ZNF395: variants seen among roughly 807,000 people sequenced by gnomAD.
ZNF395 encodes the protein zinc finger protein 395.
A neutral mutation model predicts 57.7 loss-of-function variants in ZNF395; 20 were observed. The ratio of observed to expected loss-of-function variants is 0.35; its 90% CI spans 0.24 to 0.50. The LOEUF is 0.50. Among genes scored for constraint, ZNF395 ranks in the 20% least tolerant of loss-of-function variants. The pLI is 0.97. For synonymous variants in ZNF395, 295 were observed against 275.9 expected (o/e 1.07, Z -0.69); for missense variants, 606 against 671.2 (o/e 0.90, Z 1.07).
chr8:28,363,192 C>T (rs1017934314), intron 1 of ZNF395, among the ~76,000 whole-genome samples: 9 of 150,430 alleles, frequency 6.0e-5, no homozygotes, highest in South Asian at 2.1e-4. Flanking sequence ...AGTGCAGTGG[C>T]GTGATCTCAG....
Position 28,348,831 on chromosome 8 carries a change from C to T in ZNF395, c.1431-1G>A. On this transcript the variant is annotated splice_acceptor_variant, in intron 9 of 9. Transcript: ENST00000344423. LOFTEE classifies it high-confidence loss of function. ...CTTCTTAGCCTCCCCTCGGGCTTTC[C>T]TGCAGAAAGAGAGGAATGCAAATCG... 6.2e-7 allele frequency: 1 copy of T among 1,613,968 alleles called. No individual in the cohort carries two copies. The highest frequency in any genetic ancestry group is 8.5e-7 in the Non-Finnish European group (1 of 1,179,964).
chr8:28,358,799 T>C lies in ZNF395; in HGVS notation c.473+793A>G, dbSNP rs78101537. ...CATGGAAAGTATATAAAACTAAAAT[T>C]TGAGGGTCCATGAATGAGGTTTTAT... On this transcript the variant is annotated intron_variant, in intron 3 of 9. Coordinates refer to ENST00000344423, the MANE Select transcript of ZNF395 (RefSeq NM_018660.3). 3.1e-3 allele frequency among the ~76,000 whole-genome samples: 474 copies of C among 152,324 alleles called. 2 individuals carry two copies. The highest frequency in any genetic ancestry group is 0.011 in the African/African-American group (440 of 41,572).
intron 8 of ZNF395, among the ~76,000 whole-genome samples, chr8:28,349,677 G>A (rs750260071): frequency 6.6e-6 from 1 of 152,192 alleles, no homozygotes; most frequent in African/African-American, 2.4e-5. Context: ...CAGTGGCCTT[G>A]AGATTTCTGA....
rs1801962435 is a variant in ZNF395, at chr8:28,370,339, G to T, written c.-58-9157C>A. Among the ~76,000 whole-genome samples, 4 of 152,352 alleles carry T rather than the reference G, an allele frequency of 2.6e-5. No homozygotes were observed. In the South Asian group the frequency reaches 8.3e-4, roughly 32 times the overall value. On this transcript the variant is annotated intron_variant, in intron 1 of 9. Transcript: ENST00000344423. The stretch of plus-strand genomic sequence containing the variant: ...TTAAATACATAGTGGAAAATAAACG[G>T]AGTGGAGGAGGGGCTCGCCCAGGGC...
chr8:28,361,103 G>T lies in ZNF395; in HGVS notation c.22C>A (p.Arg8Ser), dbSNP rs1037273345. 6.2e-7 allele frequency: 1 copy of T among 1,612,374 alleles called. No individual in the cohort carries two copies. The highest frequency in any genetic ancestry group is 8.5e-7 in the Non-Finnish European group (1 of 1,180,026). The change falls in exon 2 of 10, where the codon CGC (arginine) becomes AGC (serine). Residue 8 changes from arginine to serine, a missense_variant. Physicochemically the swap from Arg to Ser is moderately radical, Grantham distance 110 (BLOSUM62 -1). Transcript: ENST00000344423. Reference sequence around the variant, plus strand: ...CCCAGGAGGGACCGCTTTCCAAGGCGTCGGGACAGGACACTCGCCATGCTG... The same window carrying T: ...CCCAGGAGGGACCGCTTTCCAAGGCTTCGGGACAGGACACTCGCCATGCTG... MASVLSR[R>S]LGKRSLLGAR...
At chr8:28,351,337 G>A (rs766150771) in intron 7 of ZNF395, 158 bp downstream of exon 7, 160 of 713,782 alleles carry the variant, frequency 2.2e-4, no homozygotes, top group Non-Finnish European at 3.3e-4. Flanking sequence ...CACATTTATT[G>A]AGCAGTGAAT....
chr8:28,360,630 C>T (rs974503785), intron 2 of ZNF395, among the ~76,000 whole-genome samples: 1 of 152,234 alleles, frequency 6.6e-6, no homozygotes, highest in Non-Finnish European at 1.5e-5. Context: ...AGGTTTTGAG[C>T]AAGCCAAAGC....
chr8:28,385,552 G>A (rs1563345125), intron 1 of ZNF395, among the ~76,000 whole-genome samples: 11 of 150,616 alleles, frequency 7.3e-5, no homozygotes. Flanking sequence ...CGGGCGGAGG[G>A]TGTGTCCCTC....
At chr8:28,381,847 G>A (rs1802113638) in intron 1 of ZNF395, among the ~76,000 whole-genome samples, 1 of 152,120 alleles carries the variant, frequency 6.6e-6, no homozygotes, top group Non-Finnish European at 1.5e-5. Flanking sequence ...GCCTTACTAC[G>A]GAGAACACAG....
intron 1 of ZNF395, among the ~76,000 whole-genome samples, chr8:28,363,343 G>C (rs1801873016): frequency 6.6e-6 from 1 of 151,998 alleles, no homozygotes; most frequent in Non-Finnish European, 1.5e-5. Flanking sequence ...TGTTGCCCAG[G>C]GTGGTCTCAA....
At chr8:28,372,421 G>C (rs906230483) in intron 1 of ZNF395, among the ~76,000 whole-genome samples, 2 of 152,206 alleles carry the variant, frequency 1.3e-5, no homozygotes, top group Non-Finnish European at 2.9e-5. Flanking sequence ...TTATCAGAAA[G>C]AGTTTGTGCA....
intron 1 of ZNF395, among the ~76,000 whole-genome samples, chr8:28,381,669 A>G (rs948623066): frequency 6.6e-6 from 1 of 152,060 alleles, no homozygotes; most frequent in African/African-American, 2.4e-5. Flanking sequence ...GTCTGCTGGG[A>G]GCCATTTGGA....
At chr8:28,369,775 G>C (rs1206766155) in intron 1 of ZNF395, among the ~76,000 whole-genome samples, 1 of 152,218 alleles carries the variant, frequency 6.6e-6, no homozygotes, top group Non-Finnish European at 1.5e-5. Context: ...GAACCCCCGG[G>C]AAAGGGCCCC....
intron 1 of ZNF395, among the ~76,000 whole-genome samples, chr8:28,384,827 T>G (rs73230932): frequency 6.6e-6 from 1 of 152,360 alleles, no homozygotes; most frequent in Non-Finnish European, 1.5e-5. Context: ...CACATTAACT[T>G]GAACGTAAAC....
At chr8:28,368,510 G>C (rs1801938140) in intron 1 of ZNF395, 1 of 152,184 alleles carries the variant, frequency 6.6e-6, no homozygotes, top group Non-Finnish European at 1.5e-5. Flanking sequence ...GCGCTGTCCT[G>C]GTCCAGTTCT....
chr8:28,350,882 A>T (rs952184278), intron 7 of ZNF395, among the ~76,000 whole-genome samples: 1 of 152,222 alleles, frequency 6.6e-6, no homozygotes, highest in Non-Finnish European at 1.5e-5. Flanking sequence ...CCTAAATATC[A>T]CCCTCTGTGA....
At chr8:28,378,273 G>A (rs1263273926) in intron 1 of ZNF395, among the ~76,000 whole-genome samples, 2 of 152,168 alleles carry the variant, frequency 1.3e-5, no homozygotes, top group South Asian at 2.1e-4. Context: ...CACCCAGGCT[G>A]GAGTGCAGTG....
Position 28,353,362 on chromosome 8 carries a change from C to T in ZNF395, c.630G>A (p.Ser210=), listed in dbSNP as rs528992700. ...CDPWKESGDI[S]DSGSSTTSGH... Reference sequence around the variant, plus strand: ...CGCTGGTAGTGCTGCTGCCGCTGTCCGAGATGTCACCACTCTCCTTCCATG... The same window carrying T: ...CGCTGGTAGTGCTGCTGCCGCTGTCTGAGATGTCACCACTCTCCTTCCATG... Residue 210 remains serine (S), a synonymous_variant, in exon 5 of 10, where the codon TCG becomes TCA. Coordinates refer to ENST00000344423, the MANE Select transcript of ZNF395 (RefSeq NM_018660.3). 91 of 1,591,866 alleles carry T rather than the reference C, an allele frequency of 5.7e-5. 1 individual carries two copies. Among genetic ancestry groups the T allele is most frequent in the South Asian group, 4.3e-4 (38 of 87,374 alleles).
At chr8:28,366,093 G>A (rs371497360) in intron 1 of ZNF395, among the ~76,000 whole-genome samples, 7 of 152,282 alleles carry the variant, frequency 4.6e-5, no homozygotes, top group African/African-American at 1.7e-4. Context: ...TGCACAACTC[G>A]TGGGGTTTAT....
Sources: gnomAD v4.1 joint callset for allele counts (sites outside exome capture counted in the v4.1 genomes callset) on GRCh38, gnomAD v4.1.1 for gene constraint, MANE v1.5 for transcripts, NCBI Gene and HGNC (gene_info 2026-07-23, HGNC 2026-07-21) for gene names.